The following ZMAT4 variants were observed in gnomAD, a reference collection of about 807,000 sequenced individuals.
ZMAT4 encodes the protein zinc finger matrin-type 4.
Under a neutral mutation model 28.7 loss-of-function variants are expected in ZMAT4, and 17 were observed. The ratio of observed to expected loss-of-function variants is 0.59; its 90% confidence interval spans 0.41 to 0.89. The LOEUF is 0.89. Among genes scored for constraint, ZMAT4 ranks in the 40% least tolerant of loss-of-function variants. The pLI, the probability that ZMAT4 is intolerant of heterozygous loss-of-function variation, is 0.00. For missense variants in ZMAT4, 240 were observed against 283.8 expected, an observed-to-expected ratio of 0.85 and a Z score of 1.11; for synonymous variants, 117 against 109.2, an observed-to-expected ratio of 1.07 and a Z score of -0.44.
At chr8:40,627,339 T>C (rs1244620519) in intron 5 of ZMAT4, among the ~76,000 whole-genome samples, 1 of 152,130 alleles carries the variant, frequency 6.6e-6, no homozygotes, top group Non-Finnish European at 1.5e-5. Flanking sequence ...GGCATGAGAA[T>C]CTAATGCTTA....
intron 1 of ZMAT4, among the ~76,000 whole-genome samples, chr8:40,893,482 G>C (rs1818764345): frequency 6.6e-6 from 1 of 152,198 alleles, no homozygotes. Flanking sequence ...AGCCCAGATA[G>C]TAAGATCACA....
chr8:40,634,199 T>C (rs1048018021), intron 5 of ZMAT4, among the ~76,000 whole-genome samples: 11 of 152,186 alleles, frequency 7.2e-5, no homozygotes, highest in African/African-American at 2.7e-4. Flanking sequence ...ATCTGGGAGA[T>C]GGAGAATTCT....
chr8:40,723,457 C>T lies in ZMAT4; in HGVS notation c.193-26056G>A, dbSNP rs1205304612. 5.6e-5 allele frequency among the ~76,000 whole-genome samples: 8 copies of T among 143,634 alleles called. No homozygotes were observed. The South Asian group carries it at 6.9e-4, about 12-fold the overall frequency. The allele number at this position is 143,634 out of a possible 152,430, so 94.2% of individuals were successfully genotyped here. ...GCTGGGGAAGCTGAGGCAGGAGAATCGCTTAAACCCCAGAAACAGAGGTTG... is the reference window on the plus strand; with the variant it reads ...GCTGGGGAAGCTGAGGCAGGAGAATTGCTTAAACCCCAGAAACAGAGGTTG... On this transcript the variant is annotated intron_variant, in intron 3 of 6. Coordinates refer to ENST00000297737, the MANE Select transcript of ZMAT4 (RefSeq NM_024645.3).
At chr8:40,583,671 C>A (rs771611249) in intron 5 of ZMAT4, among the ~76,000 whole-genome samples, 1 of 152,156 alleles carries the variant, frequency 6.6e-6, no homozygotes, top group Non-Finnish European at 1.5e-5. Flanking sequence ...AGGACATGTG[C>A]CCAAAGTGGT....
At chr8:40,565,377 CTTTTT>C (rs66960843) in intron 6 of ZMAT4, among the ~76,000 whole-genome samples, 2 of 78,596 alleles carry the variant, frequency 2.5e-5, no homozygotes, top group African/African-American at 4.5e-5. Flanking sequence ...GTGCCACCAT[CTTTTT>C]TTTTTTTTTT....
chr8:40,759,922 C>T (rs1812856863), intron 3 of ZMAT4, among the ~76,000 whole-genome samples: 1 of 152,148 alleles, frequency 6.6e-6, no homozygotes, highest in African/African-American at 2.4e-5. Context: ...TCCCAATTCC[C>T]ATTCTTCAGC....
intron 3 of ZMAT4, among the ~76,000 whole-genome samples, chr8:40,731,076 C>A (rs1811517030): frequency 1.3e-5 from 2 of 149,152 alleles, no homozygotes; most frequent in Middle Eastern, 3.6e-3. Context: ...AGGATCTGCA[C>A]CCTAATCACT....
At chr8:40,728,687 T>C (rs1269322698) in intron 3 of ZMAT4, among the ~76,000 whole-genome samples, 3 of 152,228 alleles carry the variant, frequency 2.0e-5, no homozygotes, top group African/African-American at 7.2e-5. Flanking sequence ...TCTGGTTTCA[T>C]TAAAATGTAA....
intron 6 of ZMAT4, among the ~76,000 whole-genome samples, chr8:40,565,534 G>A (rs1803893325): frequency 2.0e-5 from 3 of 151,572 alleles, no homozygotes; most frequent in African/African-American, 4.8e-5. Flanking sequence ...CCGCCACCAC[G>A]CCCAGCTAAT....
At chr8:40,896,276 A>G (rs903213231) in intron 1 of ZMAT4, among the ~76,000 whole-genome samples, 4 of 152,176 alleles carry the variant, frequency 2.6e-5, no homozygotes, top group African/African-American at 9.7e-5. Flanking sequence ...GCCCTGAGGA[A>G]GAGGTGTCAC....
At chr8:40,610,798 C>CTCTA (rs1252806945) in intron 5 of ZMAT4, among the ~76,000 whole-genome samples, 1 of 150,738 alleles carries the variant, frequency 6.6e-6, no homozygotes, top group Non-Finnish European at 1.5e-5. Context: ...TTCCGATGTG[C>CTCTA]TCTATAAACA....
chr8:40,767,608 A>T, intron 3 of ZMAT4, 33 bp downstream of exon 3: 1 of 1,581,354 alleles, frequency 6.3e-7, no homozygotes, highest in Non-Finnish European at 8.6e-7. Context: ...AGAACAAATC[A>T]TCTGAGGATA....
chr8:40,849,947 T>G (rs1456385759), intron 1 of ZMAT4, among the ~76,000 whole-genome samples: 1 of 138,304 alleles, frequency 7.2e-6, no homozygotes, highest in African/African-American at 2.8e-5. Flanking sequence ...TTCACCCCGC[T>G]GCTCAGAATG....
intron 3 of ZMAT4, among the ~76,000 whole-genome samples, chr8:40,749,794 AG>A (rs1812383069): frequency 6.6e-6 from 1 of 152,198 alleles, no homozygotes. Context: ...AAGATAAAAA[AG>A]GTGCTAGATT....
Position 40,745,796 on chromosome 8 carries a change from G to C in ZMAT4, c.192+21845C>G, listed in dbSNP as rs1585982025. On this transcript the variant is annotated intron_variant, in intron 3 of 6. Coordinates refer to ENST00000297737, the MANE Select transcript of ZMAT4 (RefSeq NM_024645.3). ...TGAAGGTAAGAAAATAGGGACATTTGGTGTTTTATATTGCTCATCACTCAA... is the reference window on the plus strand; with the variant it reads ...TGAAGGTAAGAAAATAGGGACATTTCGTGTTTTATATTGCTCATCACTCAA... 2.0e-5 allele frequency among the ~76,000 whole-genome samples: 3 copies of C among 152,172 alleles called. No individual in the cohort carries two copies. The South Asian group carries it at 6.2e-4, about 32-fold the overall frequency.
At chr8:40,631,094 T>A (rs1806560875) in intron 5 of ZMAT4, among the ~76,000 whole-genome samples, 1 of 152,182 alleles carries the variant, frequency 6.6e-6, no homozygotes, top group African/African-American at 2.4e-5. Flanking sequence ...CTCTTGGCTA[T>A]CATATTAGAC....
At chr8:40,760,760 C>T (rs963798656) in intron 3 of ZMAT4, among the ~76,000 whole-genome samples, 12 of 150,790 alleles carry the variant, frequency 8.0e-5, no homozygotes, top group Non-Finnish European at 1.5e-4. Flanking sequence ...CTCTCTGTCG[C>T]GGTCTCTCTC....
chr8:40,847,383 A>G (rs1391718484), intron 1 of ZMAT4, among the ~76,000 whole-genome samples: 1 of 152,160 alleles, frequency 6.6e-6, no homozygotes, highest in East Asian at 1.9e-4. Flanking sequence ...TCCTCAAACC[A>G]CAATGTCTAC....
intron 1 of ZMAT4, among the ~76,000 whole-genome samples, chr8:40,868,674 C>T (rs185373015): frequency 1.3e-5 from 2 of 152,328 alleles, no homozygotes; most frequent in African/African-American, 4.8e-5. Flanking sequence ...CTCCCATCTT[C>T]AAGCAAAGAT....
Sources: gnomAD v4.1 joint callset for allele counts (sites outside exome capture counted in the v4.1 genomes callset) on GRCh38, gnomAD v4.1.1 for gene constraint, MANE v1.5 for transcripts, NCBI Gene and HGNC (gene_info 2026-07-23, HGNC 2026-07-21) for gene names.